Variants in JARID2 observed in about 807,000 individuals in gnomAD.
The protein encoded by JARID2 is protein Jumonji.
In JARID2, 21 loss-of-function variants were observed where a neutral mutation model predicts 125.6. The observed-to-expected ratio is 0.17, with a 90% CI of 0.12 to 0.24. JARID2 has a LOEUF of 0.24. Among genes scored for constraint, JARID2 ranks in the 10% least tolerant of loss-of-function variants. The pLI is 1.00. For synonymous variants in JARID2, 736 were observed against 661.6 expected (o/e 1.11, Z -1.73); for missense variants, 1,303 against 1,639.6 (o/e 0.79, Z 3.55).
At chr6:15,328,724 T>C (rs1762611131) in intron 1 of JARID2, among the ~76,000 whole-genome samples, 1 of 152,188 alleles carries the variant, frequency 6.6e-6, no homozygotes, top group Admixed American at 6.5e-5. Context: ...AAGTAAGAGA[T>C]TCAGATGGTC....
At chr6:15,428,433 A>G (rs1003729806) in intron 3 of JARID2, among the ~76,000 whole-genome samples, 1 of 151,964 alleles carries the variant, frequency 6.6e-6, no homozygotes, top group Non-Finnish European at 1.5e-5. Context: ...CCGCCACCCC[A>G]CAACAGGCCC....
At chr6:15,349,730 C>T (rs1424831705) in intron 1 of JARID2, among the ~76,000 whole-genome samples, 1 of 152,156 alleles carries the variant, frequency 6.6e-6, no homozygotes, top group Non-Finnish European at 1.5e-5. Context: ...GCTAGTGCTG[C>T]ATTCTATCAA....
chr6:15,425,568 T>C (rs910446499), intron 3 of JARID2, among the ~76,000 whole-genome samples: 4 of 152,164 alleles, frequency 2.6e-5, no homozygotes, highest in Admixed American at 2.6e-4. Flanking sequence ...ACCTTTATCA[T>C]GGGAGTGGAT....
intron 1 of JARID2, among the ~76,000 whole-genome samples, chr6:15,363,614 T>C (rs538084681): frequency 6.6e-6 from 1 of 152,332 alleles, no homozygotes; most frequent in East Asian, 1.9e-4. Context: ...CACAGACTAG[T>C]CAGAATGTGA....
At chr6:15,339,794 C>T (rs181779476) in intron 1 of JARID2, among the ~76,000 whole-genome samples, 2 of 152,240 alleles carry the variant, frequency 1.3e-5, no homozygotes, top group Admixed American at 1.3e-4. Context: ...GTCGGCCTCC[C>T]AAAGTGGTGG....
chr6:15,501,336 A>T lies in JARID2; in HGVS notation c.2375A>T (p.Gln792Leu). The change falls in exon 8 of 18, where the codon CAG becomes CTG. Residue 792 changes from glutamine (Q) to leucine (L), a missense_variant. By Grantham distance (113) the Gln-to-Leu change is moderately radical. Around this residue, in one of 11 missense-constraint regions of JARID2, gnomAD observed 124 missense variants for 131.0 expected, o/e 0.95. Coordinates refer to ENST00000341776, the MANE Select transcript of JARID2 (RefSeq NM_004973.4). ...ACTGGCCGGCGGCGACTCTTCGCTC[A>T]GGAAAAAGAAGTGGTCAAGGAAGAG... ...LKTGRRRLFAQEKEVVKEEEE... is the reference protein window; with the variant it reads ...LKTGRRRLFALEKEVVKEEEE... 6.2e-7 allele frequency: 1 copy of T among 1,603,774 alleles called. No individual in the cohort carries two copies. Among genetic ancestry groups the T allele is most frequent in the Non-Finnish European group, 8.5e-7 (1 of 1,174,450 alleles).
chr6:15,355,822 G>T (rs1763580442), intron 1 of JARID2, among the ~76,000 whole-genome samples: 1 of 152,196 alleles, frequency 6.6e-6, no homozygotes, highest in African/African-American at 2.4e-5. Context: ...TGTTGGCCAG[G>T]CTGGTCTCAA....
At chr6:15,411,334 T>C (rs1298851886) in intron 3 of JARID2, among the ~76,000 whole-genome samples, 2 of 152,234 alleles carry the variant, frequency 1.3e-5, no homozygotes, top group Non-Finnish European at 2.9e-5. Context: ...TGTGTAGATA[T>C]TTAAGATTCC....
At chr6:15,430,137 A>G (rs1192696506) in intron 3 of JARID2, among the ~76,000 whole-genome samples, 1 of 152,234 alleles carries the variant, frequency 6.6e-6, no homozygotes, top group Non-Finnish European at 1.5e-5. Flanking sequence ...CTCTGCATCT[A>G]TGTCCATGAT....
intron 1 of JARID2, among the ~76,000 whole-genome samples, chr6:15,291,195 A>T (rs974267197): frequency 6.6e-6 from 1 of 152,132 alleles, no homozygotes; most frequent in Non-Finnish European, 1.5e-5. Flanking sequence ...TGATTGCACC[A>T]TTTCATTCCA....
intron 1 of JARID2, among the ~76,000 whole-genome samples, chr6:15,268,253 T>A (rs2127347050): frequency 6.6e-6 from 1 of 152,360 alleles, no homozygotes; most frequent in East Asian, 1.9e-4. Context: ...AGCTTATCTT[T>A]GTGAACTTTT....
intron 17 of JARID2, among the ~76,000 whole-genome samples, chr6:15,518,864 A>G (rs1434034349): frequency 6.6e-6 from 1 of 152,194 alleles, no homozygotes; most frequent in Non-Finnish European, 1.5e-5. Flanking sequence ...CCCAGTACAC[A>G]AATCACCCAT....
At chr6:15,395,237 C>A (rs181814267) in intron 2 of JARID2, among the ~76,000 whole-genome samples, 1 of 151,938 alleles carries the variant, frequency 6.6e-6, no homozygotes, top group Non-Finnish European at 1.5e-5. Flanking sequence ...GTCAGAAATT[C>A]GAAAAGGTGA....
intron 2 of JARID2, among the ~76,000 whole-genome samples, chr6:15,383,024 G>T (rs542861237): frequency 6.6e-6 from 1 of 152,292 alleles, no homozygotes; most frequent in South Asian, 2.1e-4. Context: ...GGTGGTCTGT[G>T]TAGGGAGACA....
At chr6:15,417,994 T>C (rs971775339) in intron 3 of JARID2, among the ~76,000 whole-genome samples, 2 of 152,128 alleles carry the variant, frequency 1.3e-5, no homozygotes, top group Admixed American at 6.5e-5. Context: ...GGGTACTCCC[T>C]CTTTTGAAGT....
At chr6:15,457,990 G>T (rs1435515891) in intron 4 of JARID2, among the ~76,000 whole-genome samples, 1 of 152,166 alleles carries the variant, frequency 6.6e-6, no homozygotes. Context: ...CCGGCCCGAG[G>T]TATTTGCCCG....
At chr6:15,499,550 G>A (rs990926649) in intron 7 of JARID2, among the ~76,000 whole-genome samples, 1 of 152,120 alleles carries the variant, frequency 6.6e-6, no homozygotes, top group Non-Finnish European at 1.5e-5. Flanking sequence ...TTGGTTGGGG[G>A]ACTCGTTTTG....
chr6:15,296,989 C>T (rs1274083435), intron 1 of JARID2, among the ~76,000 whole-genome samples: 1 of 152,236 alleles, frequency 6.6e-6, no homozygotes, highest in East Asian at 1.9e-4. Context: ...AGAGTGTCCC[C>T]TCCTAGTTTG....
intron 6 of JARID2, among the ~76,000 whole-genome samples, chr6:15,489,006 C>T (rs571021294): frequency 1.3e-5 from 2 of 152,250 alleles, no homozygotes; most frequent in African/African-American, 4.8e-5. Flanking sequence ...ATTCTTCACT[C>T]CCCCGCTGTT....
Sources: allele counts gnomAD v4.1 joint callset (sites outside exome capture counted in the v4.1 genomes callset), GRCh38; gene constraint gnomAD v4.1.1; regional missense constraint gnomAD v4.1.1; transcripts MANE v1.5; gene names NCBI Gene and HGNC (gene_info 2026-07-23, HGNC 2026-07-21).